Variants in BICDL2 observed in about 807,000 individuals in gnomAD.
BICDL2 encodes BICD family-like cargo adapter 2.
Under a neutral mutation model 56.6 loss-of-function variants are expected in BICDL2, and 62 were observed. The observed-to-expected ratio is 1.10, with a 90% CI of 0.89 to 1.35. BICDL2 has a LOEUF of 1.35. BICDL2 is among the 40% of genes most tolerant of loss of function. BICDL2 has a pLI of 0.00. For missense variants in BICDL2, 808 were observed against 684.5 expected (o/e 1.18, Z -2.01); for synonymous variants, 358 against 319.8 (o/e 1.12, Z -1.27).
At chr16:3,036,139 G>A in intron 1 of BICDL2, 1 of 401,142 alleles carries the variant, frequency 2.5e-6, no homozygotes, top group Non-Finnish European at 4.9e-6. Flanking sequence ...CCCCACCAAG[G>A]ATTCCCACCC....
chr16:3,027,809 C>G lies in BICDL2; in HGVS notation c.*297G>C, dbSNP rs1024578908. The G allele has an allele frequency of 1.8e-5, 16 of 907,240 alleles. No homozygotes were observed. The highest frequency in any genetic ancestry group is 9.2e-5 in the Admixed American group (3 of 32,618). 56.2% of individuals were successfully genotyped at this position (907,240 alleles called of 1,614,324 possible). On this transcript the variant is annotated 3_prime_UTR_variant, in exon 10 of 10. Transcript: ENST00000572449. ...TCGGTGGAGTGATTTATATATTACT[C>G]TGTCCGATCTTGATACATAAATACC...
chr16:3,031,224 T>C, intron 2 of BICDL2, 74 bp from the exon 3 acceptor site: 1 of 1,324,706 alleles, frequency 7.5e-7, no homozygotes, highest in Non-Finnish European at 1.0e-6. Flanking sequence ...GAGATGGCGA[T>C]GGAGGGACAG....
At chr16:3,035,803 C>A in intron 1 of BICDL2, 1 of 440,956 alleles carries the variant, frequency 2.3e-6, no homozygotes, top group Non-Finnish European at 4.1e-6. Flanking sequence ...TCCAGGGCCA[C>A]AGGCCACCTC....
chr16:3,035,855 T>G (rs1168593421), intron 1 of BICDL2: 4 of 333,248 alleles, frequency 1.2e-5, no homozygotes, highest in Non-Finnish European at 2.3e-5. Context: ...GCAGTTTGGC[T>G]TGTAGCCCCT....
At chr16:3,035,164 C>T in intron 2 of BICDL2, 51 bp downstream of exon 2, 1 of 502,756 alleles carries the variant, frequency 2.0e-6, no homozygotes, top group Non-Finnish European at 3.2e-6. Flanking sequence ...TCCAGGCCCA[C>T]CCGTCCTCCC....
chr16:3,034,471 G>A (rs945029660), intron 2 of BICDL2, among the ~76,000 whole-genome samples: 3 of 151,932 alleles, frequency 2.0e-5, no homozygotes, highest in Non-Finnish European at 4.4e-5. Flanking sequence ...TAGTAGAGAC[G>A]GGGTTTCACC....
chr16:3,030,179 C>G (rs1428401970), intron 5 of BICDL2: 5 of 515,450 alleles, frequency 9.7e-6, no homozygotes, highest in African/African-American at 2.0e-5. Context: ...ATTGCGCAGC[C>G]GTGGTCTAGG....
Position 3,027,899 on chromosome 16 carries a change from G to GC in BICDL2, c.*206dup. 1.2e-6 allele frequency: 1 copy of GC among 847,058 alleles called. No homozygotes were observed. The highest frequency in any genetic ancestry group is 1.7e-6 in the Non-Finnish European group (1 of 583,954). The allele number at this position is 847,058 out of a possible 1,614,324, so 52.5% of individuals were successfully genotyped here. ...ATTCGGAAAATAGCTCTGTTCACCT[G>GC]CCCCTGCCACCCACCTGGAGCTCCT... is the stretch of plus-strand genomic sequence containing the variant. On this transcript the variant is annotated 3_prime_UTR_variant, in exon 10 of 10. Coordinates refer to ENST00000572449, the MANE Select transcript of BICDL2 (RefSeq NM_001369667.1).
intron 2 of BICDL2, among the ~76,000 whole-genome samples, chr16:3,034,445 A>AT (rs1012539182): frequency 4.0e-5 from 6 of 151,618 alleles, no homozygotes; most frequent in East Asian, 3.9e-4. Context: ...TGCCTGGCTA[A>AT]TTTTTTTTGT....
At position 3,034,697 on chromosome 16, in the gene BICDL2, T is replaced by TCCTTCC. The variant is rs1567423985; in HGVS notation, c.282+512_282+517dup. Among the ~76,000 whole-genome samples, 175 of 140,978 alleles carry TCCTTCC rather than the reference T, an allele frequency of 1.2e-3. 2 individuals carry two copies. Among genetic ancestry groups the TCCTTCC allele is most frequent in the African/African-American group, 4.4e-3 (165 of 37,248 alleles). The allele number at this position is 140,978 out of a possible 152,430, so 92.5% of individuals were successfully genotyped here. ...CCTTCCTTCCTTCCTTCCTTCCCCT[T>TCCTTCC]CCTTCCTTCCTTCCTTTTTTTTTTT... On this transcript the variant is annotated intron_variant, in intron 2 of 9. Transcript: ENST00000572449.
At position 3,028,447 on chromosome 16, in the gene BICDL2, C is replaced by G. The variant is rs748736773; in HGVS notation, c.1260G>C (p.Gln420His). The G allele has an allele frequency of 6.4e-7, 1 of 1,567,982 alleles. No individual in the cohort carries two copies. The highest frequency in any genetic ancestry group is 1.3e-5 in the African/African-American group (1 of 74,092). Residue 420 changes from glutamine (Q) to histidine (H), a missense_variant, in exon 9 of 10, where the codon CAG (glutamine) becomes CAC (histidine). Transcript: ENST00000572449. The stretch of plus-strand genomic sequence containing the variant: ...CTCGCTCCAGCGAGACGCGGTTGAG[C>G]TGCAGGGACAGCTCCAGGGCCCTAG... Reference protein sequence around the residue: ...AVNKALELSLQLNRVSLERDS... With the variant: ...AVNKALELSLHLNRVSLERDS...
rs1185498807 is a variant in BICDL2, at chr16:3,029,565, C to A, written c.937G>T (p.Asp313Tyr). The change falls in exon 6 of 10, where the codon GAC becomes TAC. Residue 313 changes from aspartate to tyrosine, a missense_variant. Asp to Tyr is a radical substitution (Grantham distance 160). Coordinates refer to ENST00000572449, the MANE Select transcript of BICDL2 (RefSeq NM_001369667.1). ...LDDGDQGQGA[D>Y]APGDTPTTRS... ...CTCACCGGGGTGTCTCCGGGTGCGT[C>A]GGCGCCCTGGCCCTGGTCGCCGTCG... is the stretch of plus-strand genomic sequence containing the variant. 1 of 1,547,378 alleles carries A rather than the reference C, an allele frequency of 6.5e-7. No homozygotes were observed. The highest frequency in any genetic ancestry group is 1.2e-5 in the South Asian group (1 of 84,876).
intron 8 of BICDL2, 23 bp from the exon 9 acceptor site, chr16:3,028,491 C>T: frequency 1.3e-6 from 2 of 1,570,174 alleles, no homozygotes; most frequent in South Asian, 1.1e-5. Context: ...GAGCAGAAGA[C>T]GCGTTTGAGG....
At chr16:3,036,145 C>T in intron 1 of BICDL2, 1 of 405,296 alleles carries the variant, frequency 2.5e-6, no homozygotes. Context: ...CAAGGATTCC[C>T]ACCCCAGTCC....
intron 5 of BICDL2, chr16:3,030,066 G>A (rs1340787940): frequency 1.1e-5 from 5 of 467,026 alleles, no homozygotes; most frequent in Non-Finnish European, 1.9e-5. Context: ...GTAAGAAGGG[G>A]CACCGGGATG....
intron 2 of BICDL2, among the ~76,000 whole-genome samples, chr16:3,033,932 C>G (rs1955691840): frequency 6.6e-6 from 1 of 152,118 alleles, no homozygotes; most frequent in Non-Finnish European, 1.5e-5. Context: ...TGTTGAGATG[C>G]CCACTAGGTG....
At chr16:3,032,303 G>A (rs1282632494) in intron 2 of BICDL2, 1 of 152,268 alleles carries the variant, frequency 6.6e-6, no homozygotes, top group Admixed American at 6.5e-5. Flanking sequence ...ATACTGCAGA[G>A]GCAACACAGC....
At chr16:3,030,422 T>A in intron 5 of BICDL2, 27 bp downstream of exon 5, 1 of 1,596,022 alleles carries the variant, frequency 6.3e-7, no homozygotes. Flanking sequence ...GTCCAGGCAG[T>A]TGTAGTCCCC....
Position 3,028,095 on chromosome 16 carries a change from G to C in BICDL2, c.*11C>G. Reference sequence around the variant, plus strand: ...CCTAAGTGGGCAAGGGCAGCCCTCTGGGCCCAGCCGTCAGGTCCTTCGGAA... The same window carrying C: ...CCTAAGTGGGCAAGGGCAGCCCTCTCGGCCCAGCCGTCAGGTCCTTCGGAA... On this transcript the variant is annotated 3_prime_UTR_variant, in exon 10 of 10. Coordinates refer to ENST00000572449, the MANE Select transcript of BICDL2 (RefSeq NM_001369667.1). 4.2e-6 allele frequency: 6 copies of C among 1,416,712 alleles called. No homozygotes were observed. Among genetic ancestry groups the C allele is most frequent in the Non-Finnish European group, 5.5e-6 (6 of 1,089,690 alleles). 87.8% of individuals were successfully genotyped at this position (1,416,712 alleles called of 1,614,324 possible). A position where few individuals can be genotyped will look rare whatever the true frequency, so the allele number is the denominator to read the frequency against.
Sources: gnomAD v4.1 joint callset for allele counts (sites outside exome capture counted in the v4.1 genomes callset) on GRCh38, gnomAD v4.1.1 for gene constraint, MANE v1.5 for transcripts, NCBI Gene and HGNC (gene_info 2026-07-23, HGNC 2026-07-21) for gene names.